Variants in TNRC6A observed in about 807,000 individuals in gnomAD.
The protein encoded by TNRC6A is trinucleotide repeat containing adaptor 6A.
A neutral mutation model predicts 221.2 loss-of-function variants in TNRC6A; 44 were observed. The ratio of observed to expected loss-of-function variants is 0.20; its 90% CI spans 0.16 to 0.26. The LOEUF (loss-of-function observed/expected upper bound fraction) is 0.26. Among genes scored for constraint, TNRC6A ranks in the 10% least tolerant of loss-of-function variants. The probability of loss-of-function intolerance (pLI) is 1.00; values close to 1 mark genes in which losing one functional copy is unlikely to be tolerated. For missense variants in TNRC6A, 2,199 were observed against 2,404.4 expected (o/e 0.91, Z 1.79); for synonymous variants, 847 against 838.5 (o/e 1.01, Z -0.18).
chr16:24,618,318 G>A (rs1340335471), intron 1 of TNRC6A, among the ~76,000 whole-genome samples: 2 of 152,286 alleles, frequency 1.3e-5, no homozygotes, highest in East Asian at 1.9e-4. Flanking sequence ...ACTGAGCTAG[G>A]TATTTTACCT....
chr16:24,704,821 ATCTT>A (rs1007179107), intron 2 of TNRC6A, among the ~76,000 whole-genome samples: 2 of 151,934 alleles, frequency 1.3e-5, no homozygotes, highest in African/African-American at 4.8e-5. Context: ...GTAAATAAAT[ATCTT>A]TATTTAAAAC....
At chr16:24,804,363 C>A (rs1379354611) in intron 12 of TNRC6A, 44 bp downstream of exon 12, 1 of 1,573,726 alleles carries the variant, frequency 6.4e-7, no homozygotes, top group African/African-American at 1.4e-5. Flanking sequence ...AACCAGTATA[C>A]TTCATAGCGT....
At chr16:24,651,538 CAAAAAAAAA>C (rs768568973) in intron 2 of TNRC6A, among the ~76,000 whole-genome samples, 26 of 48,774 alleles carry the variant, frequency 5.3e-4, no homozygotes, top group South Asian at 3.7e-3. Flanking sequence ...AACTCCATCT[CAAAAAAAAA>C]AAAAAAAAAA....
intron 2 of TNRC6A, among the ~76,000 whole-genome samples, chr16:24,664,576 T>TATTTAATTAAATAATATATTTA (rs2055108314): frequency 6.9e-6 from 1 of 144,172 alleles, no homozygotes; most frequent in African/African-American, 2.5e-5. Context: ...TATTTTAATT[T>TATTTAATTAAATAATATATTTA]ATTTAAATAT....
rs199790183 is a variant in TNRC6A, at chr16:24,777,151, G to A, written c.382G>A (p.Ala128Thr). The A allele has an allele frequency of 1.5e-5, 24 of 1,613,964 alleles. No homozygotes were observed. The highest frequency in any genetic ancestry group is 6.7e-5 in the East Asian group (3 of 44,870). Reference sequence around the variant, plus strand: ...GCAGCAGCCACAGCAGCAGCCACAGGCCTTGCCTCGGTATCCTCGTGAAGT... The same window carrying A: ...GCAGCAGCCACAGCAGCAGCCACAGACCTTGCCTCGGTATCCTCGTGAAGT... ...QQQQPQQQPQ[A>T]LPRYPREVPP... Residue 128 changes from alanine (A) to threonine (T), a missense_variant, in exon 5 of 25, where the codon GCC (alanine) becomes ACC (threonine). Around this residue, in one of 8 missense-constraint regions of TNRC6A, gnomAD observed 1,405 missense variants for 1,400.2 expected, o/e 1.00. Coordinates refer to ENST00000395799, the MANE Select transcript of TNRC6A (RefSeq NM_014494.4).
intron 20 of TNRC6A, 100 bp from the exon 21 acceptor site, chr16:24,818,493 T>C (rs2058699210): frequency 3.4e-6 from 3 of 872,278 alleles, no homozygotes; most frequent in Non-Finnish European, 5.7e-6. Context: ...TTTCCTTTCT[T>C]GTGGCATACT....
intron 2 of TNRC6A, among the ~76,000 whole-genome samples, chr16:24,651,538 C>CAAAAAA (rs768568973): frequency 6.2e-5 from 3 of 48,774 alleles, no homozygotes; most frequent in Non-Finnish European, 1.2e-4. Context: ...AACTCCATCT[C>CAAAAAA]AAAAAAAAAA....
intron 2 of TNRC6A, chr16:24,662,088 A>T (rs1317352895): frequency 7.2e-5 from 11 of 152,088 alleles, no homozygotes; most frequent in Non-Finnish European, 1.6e-4. Context: ...ACATACAAAA[A>T]TCTGTGCTCT....
intron 2 of TNRC6A, among the ~76,000 whole-genome samples, chr16:24,651,398 C>T (rs1374238588): frequency 6.6e-6 from 1 of 151,646 alleles, no homozygotes; most frequent in Non-Finnish European, 1.5e-5. Flanking sequence ...ATCAGCCACA[C>T]ATGGTGGCCT....
chr16:24,697,291 G>A (rs1311232061), intron 2 of TNRC6A, among the ~76,000 whole-genome samples: 1 of 152,174 alleles, frequency 6.6e-6, no homozygotes, highest in Non-Finnish European at 1.5e-5. Flanking sequence ...ATATCTTTCT[G>A]TCTAATCCTC....
At chr16:24,721,868 C>T (rs1265637307) in intron 2 of TNRC6A, among the ~76,000 whole-genome samples, 2 of 152,136 alleles carry the variant, frequency 1.3e-5, no homozygotes, top group East Asian at 1.9e-4. Flanking sequence ...CTCACAGGCA[C>T]GTTTAGCAAG....
At chr16:24,655,524 A>G (rs919632272) in intron 2 of TNRC6A, among the ~76,000 whole-genome samples, 4 of 151,984 alleles carry the variant, frequency 2.6e-5, no homozygotes, top group African/African-American at 9.7e-5. Context: ...CCCCGTCTCT[A>G]CTAAAAATAC....
At chr16:24,797,428 TCA>T in intron 9 of TNRC6A, 60 bp from the exon 10 acceptor site, 1 of 1,252,010 alleles carries the variant, frequency 8.0e-7, no homozygotes, top group Non-Finnish European at 1.1e-6. Context: ...TATTAATCCG[TCA>T]CTATACCCAG....
intron 2 of TNRC6A, among the ~76,000 whole-genome samples, chr16:24,716,642 G>T (rs1345658856): frequency 6.6e-6 from 1 of 152,058 alleles, no homozygotes; most frequent in Non-Finnish European, 1.5e-5. Context: ...TCCAGCTTGG[G>T]TGACAAAGTG....
intron 12 of TNRC6A, 76 bp from the exon 13 acceptor site, chr16:24,804,629 T>C: frequency 6.6e-7 from 1 of 1,519,804 alleles, no homozygotes; most frequent in Non-Finnish European, 8.8e-7. Context: ...TGACTTCTCT[T>C]CTGTTCCTGC....
At chr16:24,696,863 C>T (rs1158770808) in intron 2 of TNRC6A, among the ~76,000 whole-genome samples, 1 of 151,904 alleles carries the variant, frequency 6.6e-6, no homozygotes, top group African/African-American at 2.4e-5. Flanking sequence ...TCCCTTTAGC[C>T]ATTCCCCTTC....
chr16:24,702,505 T>C (rs892495106), intron 2 of TNRC6A, among the ~76,000 whole-genome samples: 2 of 152,302 alleles, frequency 1.3e-5, no homozygotes, highest in Middle Eastern at 3.4e-3. Context: ...CTTATCATAG[T>C]ATACCACTGC....
intron 2 of TNRC6A, among the ~76,000 whole-genome samples, chr16:24,661,082 A>G (rs2055025153): frequency 1.3e-5 from 2 of 151,974 alleles, no homozygotes; most frequent in Non-Finnish European, 2.9e-5. Context: ...TGTCTTTAAG[A>G]AAAATTTTTT....
At chr16:24,735,121 A>G (rs1033120417) in intron 2 of TNRC6A, among the ~76,000 whole-genome samples, 7 of 152,214 alleles carry the variant, frequency 4.6e-5, no homozygotes, top group Non-Finnish European at 7.3e-5. Context: ...GTCTCTACTA[A>G]AAGTACAAAA....
Sources: allele counts gnomAD v4.1 joint callset (sites outside exome capture counted in the v4.1 genomes callset), GRCh38; gene constraint gnomAD v4.1.1; regional missense constraint gnomAD v4.1.1; transcripts MANE v1.5; gene names NCBI Gene and HGNC (gene_info 2026-07-23, HGNC 2026-07-21).